Variants in RCAN2 observed in about 807,000 individuals in gnomAD.
The protein encoded by RCAN2 is regulator of calcineurin 2.
In RCAN2, 9 loss-of-function variants were observed where a neutral mutation model predicts 23.6. The observed-to-expected ratio is 0.38, with a 90% confidence interval of 0.23 to 0.67. RCAN2 has a LOEUF of 0.67. RCAN2 is among the 30% of genes least tolerant of loss of function. The pLI is 0.51. For missense variants in RCAN2, 273 were observed against 302.3 expected, an observed-to-expected ratio of 0.90 and a Z score of 0.72; for synonymous variants, 109 against 115.7, an observed-to-expected ratio of 0.94 and a Z score of 0.37.
intron 4 of RCAN2, among the ~76,000 whole-genome samples, chr6:46,240,683 C>T (rs75715387): frequency 0.041 from 6,201 of 152,256 alleles, 403 homozygotes; most frequent in African/African-American, 0.14. Context: ...GCACCAAAAA[C>T]ATAGGTGTTC....
At chr6:46,332,459 C>T (rs60895194) in intron 2 of RCAN2, among the ~76,000 whole-genome samples, 50,407 of 118,630 alleles carry the variant, frequency 0.42, 10,866 homozygotes, top group East Asian at 0.64. Context: ...TCCCTCCCCC[C>T]TCCCCCCACC....
At chr6:46,369,670 T>C (rs952174609) in intron 2 of RCAN2, among the ~76,000 whole-genome samples, 1 of 152,184 alleles carries the variant, frequency 6.6e-6, no homozygotes. Context: ...ACGTATATGT[T>C]TAAGGCTTAG....
chr6:46,399,991 G>C (rs1237476991), intron 2 of RCAN2, among the ~76,000 whole-genome samples: 1 of 152,190 alleles, frequency 6.6e-6, no homozygotes, highest in Non-Finnish European at 1.5e-5. Flanking sequence ...CAGCACTCAT[G>C]TGTCTCACAG....
At chr6:46,394,129 A>T (rs1766017169) in intron 2 of RCAN2, among the ~76,000 whole-genome samples, 1 of 152,172 alleles carries the variant, frequency 6.6e-6, no homozygotes, top group South Asian at 2.1e-4. Context: ...TACTCAAAAG[A>T]ATGCATTGTT....
intron 2 of RCAN2, among the ~76,000 whole-genome samples, chr6:46,287,488 C>T (rs961058177): frequency 2.0e-5 from 3 of 152,198 alleles, no homozygotes; most frequent in Non-Finnish European, 4.4e-5. Flanking sequence ...AATACACACA[C>T]GTCTTCCACT....
At chr6:46,376,888 T>C (rs1479938789) in intron 2 of RCAN2, among the ~76,000 whole-genome samples, 1 of 141,120 alleles carries the variant, frequency 7.1e-6, no homozygotes, top group Non-Finnish European at 1.5e-5. Flanking sequence ...CCCACAGCTG[T>C]ATTAAGTTTT....
intron 2 of RCAN2, among the ~76,000 whole-genome samples, chr6:46,344,470 A>ATATTTATT (rs1764423204): frequency 6.7e-6 from 1 of 148,280 alleles, no homozygotes; most frequent in African/African-American, 2.4e-5. Context: ...TTTAAAAATT[A>ATATTTATT]TTAAAAATAC....
At chr6:46,276,528 TAAAG>T (rs1767713639) in intron 2 of RCAN2, among the ~76,000 whole-genome samples, 1 of 152,168 alleles carries the variant, frequency 6.6e-6, no homozygotes, top group South Asian at 2.1e-4. Flanking sequence ...GGCCAAAACA[TAAAG>T]AACGTGTTTA....
intron 2 of RCAN2, among the ~76,000 whole-genome samples, chr6:46,351,063 G>T (rs62402365): frequency 0.5 from 75,310 of 152,046 alleles, 18,938 homozygotes; most frequent in East Asian, 0.61. Flanking sequence ...AGGGTATATA[G>T]TCTAGCTATT....
At chr6:46,247,776 AC>A (rs1299061457) in intron 3 of RCAN2, among the ~76,000 whole-genome samples, 1 of 152,106 alleles carries the variant, frequency 6.6e-6, no homozygotes, top group East Asian at 1.9e-4. Flanking sequence ...AATGGTTTCC[AC>A]CTTTTGTCTA....
intron 2 of RCAN2, among the ~76,000 whole-genome samples, chr6:46,310,664 T>C (rs1008353637): frequency 6.6e-6 from 1 of 152,206 alleles, no homozygotes; most frequent in Non-Finnish European, 1.5e-5. Context: ...TAAACAATTT[T>C]TTATTTTTGG....
chr6:46,418,449 A>G (rs1050312820), intron 2 of RCAN2, among the ~76,000 whole-genome samples: 6 of 151,970 alleles, frequency 3.9e-5, no homozygotes, highest in African/African-American at 9.7e-5. Context: ...TTTGGATTTC[A>G]TATCCCACCC....
intron 2 of RCAN2, among the ~76,000 whole-genome samples, chr6:46,426,772 C>A (rs987777630): frequency 1.3e-5 from 2 of 152,050 alleles, no homozygotes; most frequent in Admixed American, 6.6e-5. Flanking sequence ...TGTGAAAAGC[C>A]CACTTATACA....
intron 4 of RCAN2, among the ~76,000 whole-genome samples, chr6:46,243,666 C>T (rs1260324287): frequency 6.6e-6 from 1 of 151,766 alleles, no homozygotes; most frequent in African/African-American, 2.4e-5. Flanking sequence ...AAAAATTAGC[C>T]AGGTGTGGTG....
At chr6:46,413,834 G>C (rs1766621113) in intron 2 of RCAN2, among the ~76,000 whole-genome samples, 1 of 152,194 alleles carries the variant, frequency 6.6e-6, no homozygotes, top group South Asian at 2.1e-4. Flanking sequence ...AGGCTTCCTT[G>C]AATGAGAGAA....
intron 2 of RCAN2, among the ~76,000 whole-genome samples, chr6:46,342,198 C>T (rs1764341537): frequency 6.6e-6 from 1 of 152,120 alleles, no homozygotes; most frequent in South Asian, 2.1e-4. Flanking sequence ...TTTTAGGTTA[C>T]TTTCAAAGTC....
At chr6:46,458,885 A>ACGCGCGCGCGCG (rs57258359) in intron 1 of RCAN2, among the ~76,000 whole-genome samples, 88 of 148,052 alleles carry the variant, frequency 5.9e-4, no homozygotes, top group African/African-American at 2.1e-3. Flanking sequence ...TTACAGGAAA[A>ACGCGCGCGCGCG]CGCGCGCGCA....
At chr6:46,400,771 A>G (rs888961933) in intron 2 of RCAN2, among the ~76,000 whole-genome samples, 1 of 152,216 alleles carries the variant, frequency 6.6e-6, no homozygotes, top group South Asian at 2.1e-4. Context: ...CCACAGCAGC[A>G]GGGTAAAATG....
At chr6:46,436,449 A>C (rs1447682285) in intron 2 of RCAN2, among the ~76,000 whole-genome samples, 1 of 152,202 alleles carries the variant, frequency 6.6e-6, no homozygotes, top group East Asian at 1.9e-4. Flanking sequence ...TCCTGACCTC[A>C]GGTGATCCAC....
Sources: allele counts gnomAD v4.1 joint callset (sites outside exome capture counted in the v4.1 genomes callset), GRCh38; gene constraint gnomAD v4.1.1; transcripts MANE v1.5; gene names NCBI Gene and HGNC (gene_info 2026-07-23, HGNC 2026-07-21).